The following RIMS2 variants were observed in gnomAD, a reference collection of about 807,000 sequenced individuals.
The protein encoded by RIMS2 is regulating synaptic membrane exocytosis 2.
In RIMS2, 59 loss-of-function variants were observed where a neutral mutation model predicts 174.4. The ratio of observed to expected loss-of-function variants is 0.34; its 90% CI spans 0.27 to 0.42. The LOEUF is 0.42. Ranked by LOEUF, RIMS2 falls within the 10% of genes least tolerant of loss-of-function variation. The probability of loss-of-function intolerance (pLI) is 1.00; values close to 1 mark genes in which losing one functional copy is unlikely to be tolerated. For synonymous variants in RIMS2, 606 were observed against 572.5 expected, an observed-to-expected ratio of 1.06 and a Z score of -0.84; for missense variants, 1,620 against 1,666.3, an observed-to-expected ratio of 0.97 and a Z score of 0.48.
exon 7 of RIMS2, chr8:103,915,578 A>G (rs779705336): frequency 1.3e-6 from 2 of 1,582,126 alleles, no homozygotes; most frequent in Non-Finnish European, 1.7e-6. Context: ...CTGATACTGT[A>G]GGACATCTTA....
At chr8:104,206,892 GT>G (rs1218421498) in intron 19 of RIMS2, among the ~76,000 whole-genome samples, 2 of 152,226 alleles carry the variant, frequency 1.3e-5, no homozygotes, top group Non-Finnish European at 2.9e-5. Flanking sequence ...AGGTAGTTCT[GT>G]ATGGAAGAAA....
intron 2 of RIMS2, among the ~76,000 whole-genome samples, chr8:103,739,268 C>G (rs1194852616): frequency 1.3e-5 from 2 of 152,288 alleles, no homozygotes; most frequent in African/African-American, 2.4e-5. Flanking sequence ...TCTCAGCAAA[C>G]TATCGCAAGG....
In RIMS2 at chr8:104,158,445, T is replaced by C. The variant is rs552124327; in HGVS notation, c.3335-86471T>C. Among the ~76,000 whole-genome samples the C allele has an allele frequency of 1.6e-4, 25 of 152,326 alleles. 1 individual carries two copies. The highest frequency in any genetic ancestry group is 3.1e-4 in the Non-Finnish European group (21 of 68,024). Reference sequence around the variant, plus strand: ...GGATTGCTGGGTCAAGAGGTATTTCTAATTCTAGATCCTTGAGGAATCGCC... The same window carrying C: ...GGATTGCTGGGTCAAGAGGTATTTCCAATTCTAGATCCTTGAGGAATCGCC... On this transcript the variant is annotated intron_variant, in intron 19 of 23. Coordinates refer to ENST00000504942, the Ensembl canonical transcript of RIMS2.
At chr8:103,711,622 C>T (rs1015223060) in intron 2 of RIMS2, among the ~76,000 whole-genome samples, 2 of 151,986 alleles carry the variant, frequency 1.3e-5, no homozygotes, top group Non-Finnish European at 2.9e-5. Context: ...CAGGCAGGTG[C>T]GGTGGCTCAA....
intron 15 of RIMS2, among the ~76,000 whole-genome samples, chr8:103,970,642 G>A (rs1261507604): frequency 6.6e-6 from 1 of 152,052 alleles, no homozygotes; most frequent in Admixed American, 6.6e-5. Flanking sequence ...TCCTACTCTG[G>A]CACTGGTTCC....
intron 3 of RIMS2, among the ~76,000 whole-genome samples, chr8:103,880,846 T>G (rs181801579): frequency 5.3e-5 from 8 of 151,756 alleles, no homozygotes. Flanking sequence ...TATACTTCTG[T>G]TAAATCCTTG....
intron 1 of RIMS2, among the ~76,000 whole-genome samples, chr8:103,505,742 C>G (rs1233938284): frequency 6.6e-6 from 1 of 152,126 alleles, no homozygotes; most frequent in Non-Finnish European, 1.5e-5. Flanking sequence ...TTCCCACATC[C>G]TCGCCAACTC....
chr8:103,641,497 A>C lies in RIMS2; in HGVS notation c.177-55589A>C, dbSNP rs139367435. On this transcript the variant is annotated intron_variant, in intron 1 of 23. Coordinates refer to ENST00000504942, the Ensembl canonical transcript of RIMS2. Reference sequence around the variant, plus strand: ...CTTGTCTAACTGTATGTATGTACCTATCAACCAACCTCTCTTAATTCCCCA... The same window carrying C: ...CTTGTCTAACTGTATGTATGTACCTCTCAACCAACCTCTCTTAATTCCCCA... 3.1e-3 allele frequency among the ~76,000 whole-genome samples: 465 copies of C among 152,234 alleles called. 4 individuals are homozygous for C. The highest frequency in any genetic ancestry group is 0.014 in the Middle Eastern group (4 of 294).
At chr8:103,721,468 T>C (rs1306755481) in intron 2 of RIMS2, among the ~76,000 whole-genome samples, 1 of 152,184 alleles carries the variant, frequency 6.6e-6, no homozygotes, top group Non-Finnish European at 1.5e-5. Flanking sequence ...AAAATATTAA[T>C]AAAGAGCATA....
intron 1 of RIMS2, among the ~76,000 whole-genome samples, chr8:103,542,406 C>T (rs1225122142): frequency 6.6e-6 from 1 of 152,112 alleles, no homozygotes; most frequent in African/African-American, 2.4e-5. Context: ...TTTTACTAAA[C>T]ATGTAAAGAA....
intron 10 of RIMS2, among the ~76,000 whole-genome samples, chr8:103,926,514 A>G (rs2078809444): frequency 6.6e-6 from 1 of 151,592 alleles, no homozygotes; most frequent in Non-Finnish European, 1.5e-5. Flanking sequence ...ACTGAATGAC[A>G]GTCTGCTTTT....
chr8:103,557,234 T>G (rs1303756292), intron 1 of RIMS2, among the ~76,000 whole-genome samples: 2 of 152,218 alleles, frequency 1.3e-5, no homozygotes, highest in East Asian at 3.9e-4. Context: ...AACACTGCAA[T>G]ATAATCTCCA....
rs2137803849 is a variant in RIMS2 at position 103,708,165 on chromosome 8, T to A, written c.387+10869T>A. Among the ~76,000 whole-genome samples, 3 of 152,306 alleles carry A rather than the reference T, an allele frequency of 2.0e-5. No homozygotes were observed. The South Asian group carries it at 6.2e-4, about 32-fold the overall frequency. On this transcript the variant is annotated intron_variant, in intron 2 of 23. Coordinates refer to ENST00000504942, the Ensembl canonical transcript of RIMS2. ...GGCAGGGTTCACCCAAGGACTGCAG[T>A]TGCTATGGCCTGGATGCCACTGAAA...
chr8:104,206,361 A>T (rs2099080195), intron 19 of RIMS2, among the ~76,000 whole-genome samples: 1 of 152,198 alleles, frequency 6.6e-6, no homozygotes, highest in South Asian at 2.1e-4. Context: ...TCAAACTGTG[A>T]CCAAGGCTTT....
intron 3 of RIMS2, among the ~76,000 whole-genome samples, chr8:103,814,777 G>A (rs1476812475): frequency 6.6e-6 from 1 of 152,094 alleles, no homozygotes; most frequent in Non-Finnish European, 1.5e-5. Flanking sequence ...TACATGGGAG[G>A]CTGAAGTGAG....
intron 16 of RIMS2, among the ~76,000 whole-genome samples, chr8:103,986,157 G>A (rs1422646274): frequency 4.6e-5 from 7 of 152,168 alleles, no homozygotes; most frequent in Admixed American, 3.9e-4. Flanking sequence ...TAGCCATGCT[G>A]CAATGTATAC....
chr8:103,938,108 A>C (rs2154536334), intron 13 of RIMS2, among the ~76,000 whole-genome samples: 1 of 152,256 alleles, frequency 6.6e-6, no homozygotes, highest in East Asian at 1.9e-4. Context: ...TGAGAAAAGT[A>C]TTTCCAGCTG....
chr8:103,551,492 C>A (rs1442830559), intron 1 of RIMS2, among the ~76,000 whole-genome samples: 1 of 152,168 alleles, frequency 6.6e-6, no homozygotes, highest in Non-Finnish European at 1.5e-5. Flanking sequence ...CAGCCAATAT[C>A]ATACTGAATG....
chr8:104,245,274 T>C (rs2099324858), intron 20 of RIMS2, among the ~76,000 whole-genome samples: 1 of 152,256 alleles, frequency 6.6e-6, no homozygotes, highest in African/African-American at 2.4e-5. Flanking sequence ...TAAAGTGTTT[T>C]GCCTTAATGG....
Sources: allele counts gnomAD v4.1 joint callset (sites outside exome capture counted in the v4.1 genomes callset), GRCh38; gene constraint gnomAD v4.1.1; transcripts MANE v1.5; gene names NCBI Gene and HGNC (gene_info 2026-07-23, HGNC 2026-07-21).